The following DISP3 variants were observed in gnomAD, a reference collection of about 807,000 sequenced individuals.
DISP3 encodes protein dispatched homolog 3.
A neutral mutation model predicts 135.3 loss-of-function variants in DISP3; 101 were observed. That is an observed-to-expected ratio of 0.75 (90% CI 0.64 to 0.88). DISP3 has a LOEUF of 0.88. DISP3 is among the 40% of genes least tolerant of loss of function. DISP3 has a pLI of 0.00. For synonymous variants in DISP3, 856 were observed against 817.0 expected (o/e 1.05, Z -0.81); for missense variants, 1,713 against 1,878.6 (o/e 0.91, Z 1.63).
Position 11,499,810 on chromosome 1 carries a change from G to A in DISP3, c.-3-1180G>A, listed in dbSNP as rs1442639208. On this transcript the variant is annotated intron_variant, in intron 1 of 20. Coordinates refer to ENST00000294484, the MANE Select transcript of DISP3 (RefSeq NM_020780.2). The surrounding 1 kb of genome is among the most constrained non-coding windows in gnomAD (Gnocchi z 5.2). ...TCTTGCTTACTTTCTCTGGACTGAC[G>A]ACAGCCTCTCTTCCTGGACAGATCA... Among the ~76,000 whole-genome samples the A allele has an allele frequency of 2.6e-5, 4 of 152,046 alleles. No homozygotes were observed. Among genetic ancestry groups the A allele is most frequent in the Admixed American group, 6.5e-5 (1 of 15,272 alleles).
In DISP3 at chr1:11,519,952, A is replaced by C; in HGVS notation, c.2200+72A>C. On this transcript the variant is annotated intron_variant, in intron 9 of 20. Transcript: ENST00000294484. This position sits in a 1 kb window ranked among gnomAD's most constrained non-coding sequence, Gnocchi z 4.3. ...CAAAACACACAGGAACTGGGAGCCC[A>C]CCCCCTCTCGCAGATGCCCCAGGGT... 2 of 1,464,660 alleles carry C rather than the reference A, an allele frequency of 1.4e-6. No individual in the cohort carries two copies. The highest frequency in any genetic ancestry group is 1.3e-5 in the South Asian group (1 of 78,534). The allele number at this position is 1,464,660 out of a possible 1,614,324, so 90.7% of individuals were successfully genotyped here.
At chr1:11,534,758 C>G in intron 18 of DISP3, 1 of 776,212 alleles carries the variant, frequency 1.3e-6, no homozygotes, top group Non-Finnish European at 2.1e-6. Flanking sequence ...ACTTTGGCCA[C>G]CTAAAAAGTA....
chr1:11,520,546 T>TGGCATGCAGGGCC lies in DISP3; in HGVS notation c.2201-140_2201-128dup. On this transcript the variant is annotated intron_variant, in intron 9 of 20. Transcript: ENST00000294484. This position sits in a 1 kb window ranked among gnomAD's most constrained non-coding sequence, Gnocchi z 4.8. Reference sequence around the variant, plus strand: ...TCCCCAGCAAGCTTTGCCCACGGGCTGGCATGCAGGGCCTTCCCCCGCACC... The same window carrying TGGCATGCAGGGCC: ...TCCCCAGCAAGCTTTGCCCACGGGCTGGCATGCAGGGCCGGCATGCAGGGCCTTCCCCCGCACC... 1 of 865,522 alleles carries TGGCATGCAGGGCC rather than the reference T, an allele frequency of 1.2e-6. No individual in the cohort carries two copies. The highest frequency in any genetic ancestry group is 1.7e-6 in the Non-Finnish European group (1 of 574,414). The allele number at this position is 865,522 out of a possible 1,614,324, so 53.6% of individuals were successfully genotyped here.
Position 11,529,571 on chromosome 1 carries a change from C to T in DISP3, c.2814C>T (p.Ala938=), listed in dbSNP as rs765440113. 3.3e-5 allele frequency: 52 copies of T among 1,570,636 alleles called. No individual in the cohort carries two copies. Among genetic ancestry groups the T allele is most frequent in the Non-Finnish European group, 4.2e-5 (49 of 1,155,550 alleles). Residue 938 remains alanine, a synonymous_variant, in exon 14 of 21, where the codon GCC becomes GCT. Transcript: ENST00000294484. The surrounding 1 kb of genome is among the most constrained non-coding windows in gnomAD (Gnocchi z 4.7). ...EQQHTRKLYF[A]QSHKPPFHGR... ...CCCTCCACAGGAAGCTGTACTTCGC[C>T]CAGTCCCACAAGCCCCCCTTCCACG...
At chr1:11,489,541 G>T (rs1362812792) in intron 1 of DISP3, among the ~76,000 whole-genome samples, 1 of 152,170 alleles carries the variant, frequency 6.6e-6, no homozygotes, top group Non-Finnish European at 1.5e-5. Flanking sequence ...GCCCCCTCCA[G>T]TTATTCTGCA....
Position 11,534,498 on chromosome 1 carries a change from C to T in DISP3, c.3493C>T (p.Gln1165Ter). ...GGGCTCAGTCCTGCGCCGGGGCTTC[C>T]AGACCTGCGAGCACTGGAAGCAGAT... ...PEGSVLRRGF[Q>*]TCEHWKQIFM... The change falls in exon 18 of 21, where the codon CAG (glutamine) becomes TAG (stop). Residue 1165 changes from glutamine to a stop codon, truncating the protein, a stop_gained. Coordinates refer to ENST00000294484, the MANE Select transcript of DISP3 (RefSeq NM_020780.2). LOFTEE classifies it high-confidence loss of function. 1 of 1,613,724 alleles carries T rather than the reference C, an allele frequency of 6.2e-7. No individual in the cohort carries two copies. The highest frequency in any genetic ancestry group is 8.5e-7 in the Non-Finnish European group (1 of 1,179,794).
intron 1 of DISP3, among the ~76,000 whole-genome samples, chr1:11,486,991 T>C (rs1641054726): frequency 6.6e-6 from 1 of 152,166 alleles, no homozygotes. Flanking sequence ...ATTATGATGA[T>C]TTAACAGAAA....
At position 11,529,973 on chromosome 1, in the gene DISP3, G is replaced by A. The variant is rs192562485; in HGVS notation, c.3102+14G>A. 6,257 of 1,608,608 alleles carry A rather than the reference G, an allele frequency of 3.9e-3. 16 individuals carry two copies. The highest frequency in any genetic ancestry group is 0.011 in the African/African-American group (850 of 74,996). The stretch of plus-strand genomic sequence containing the variant: ...ATTGGAGACCCGGTACGGGGCATGC[G>A]TCGGGCAGATGCCGAGGGCCCCAGC... On this transcript the variant is annotated intron_variant, in intron 15 of 20. Transcript: ENST00000294484. The surrounding 1 kb of genome is among the most constrained non-coding windows in gnomAD (Gnocchi z 4.7).
rs753771741 is a variant in DISP3, at chr1:11,535,057, C to T, written c.3582C>T (p.Cys1194=). ...GCCTGGTGCTATCCCTGCTCATCTG[C>T]GTGGCCGCGGTGGCCGTGTTCACCA... ...LCGLVLSLLI[C]VAAVAVFTTH... is the part of the protein sequence containing the mutation. The change falls in exon 19 of 21, where the codon TGC becomes TGT. Residue 1194 remains cysteine, a synonymous_variant. Coordinates refer to ENST00000294484, the MANE Select transcript of DISP3 (RefSeq NM_020780.2). The T allele has an allele frequency of 1.6e-5, 26 of 1,606,412 alleles. No individual in the cohort carries two copies. Among genetic ancestry groups the T allele is most frequent in the African/African-American group, 1.2e-4 (9 of 75,004 alleles).
At chr1:11,535,979 C>A (rs1473340711) in intron 20 of DISP3, among the ~76,000 whole-genome samples, 1 of 152,188 alleles carries the variant, frequency 6.6e-6, no homozygotes, top group Non-Finnish European at 1.5e-5. Context: ...CTGCTCCAGC[C>A]CCTGGTGGCT....
In DISP3 at chr1:11,514,420, C is replaced by T. The variant is rs1215042780; in HGVS notation, c.1347C>T (p.Asp449=). 46 of 1,613,302 alleles carry T rather than the reference C, an allele frequency of 2.9e-5. No homozygotes were observed. The highest frequency in any genetic ancestry group is 3.9e-5 in the Non-Finnish European group (46 of 1,179,290). Residue 449 remains aspartate (D), a synonymous_variant, in exon 4 of 21, where the codon GAC becomes GAT. Transcript: ENST00000294484. ...SKVQVLYGGT[D]LFDYEVRRTF... ...TCCAGGTTCTCTATGGGGGGACAGA[C>T]CTGTTTGACTATGAAGTGCGCAGGA...
In DISP3 at chr1:11,501,349, C is replaced by T; in HGVS notation, c.357C>T (p.Phe119=). The part of the protein sequence containing the change: ...EIRNHEASQR[F]DALTLALKSQ... ...GCAACCACGAGGCCTCACAGCGTTT[C>T]GACGCTCTCACTCTGGCGCTTAAGT... The change falls in exon 2 of 21, where the codon TTC becomes TTT. Residue 119 remains phenylalanine (F), a synonymous_variant. Coordinates refer to ENST00000294484, the MANE Select transcript of DISP3 (RefSeq NM_020780.2). The surrounding 1 kb of genome is among the most constrained non-coding windows in gnomAD (Gnocchi z 4.9). 1 of 1,613,268 alleles carries T rather than the reference C, an allele frequency of 6.2e-7. No homozygotes were observed. Among genetic ancestry groups the T allele is most frequent in the South Asian group, 1.1e-5 (1 of 90,980 alleles).
intron 3 of DISP3, among the ~76,000 whole-genome samples, chr1:11,509,526 A>G (rs548304454): frequency 1.3e-5 from 2 of 152,084 alleles, no homozygotes; most frequent in Admixed American, 6.5e-5. Context: ...GGCATTGTCT[A>G]TTTCTTTTTT....
rs748054963 is a variant in DISP3 at position 11,501,500 on chromosome 1, C to T, written c.508C>T (p.Arg170Ter). ...CGGCAACCGCTCGCGGCAAGCCTCC[C>T]GAGCCCCCCGCGTCATCCCCGCGGC... ...HLGNRSRQAS[R>*]APRVIPAASL... is the part of the protein sequence containing the mutation. Residue 170 changes from arginine to a stop codon, truncating the protein, a stop_gained, in exon 2 of 21, where the codon CGA becomes TGA. Transcript: ENST00000294484. LOFTEE classifies it high-confidence loss of function. This position sits in a 1 kb window ranked among gnomAD's most constrained non-coding sequence, Gnocchi z 4.9. 6 of 1,606,538 alleles carry T rather than the reference C, an allele frequency of 3.7e-6. No homozygotes were observed. The highest frequency in any genetic ancestry group is 8.5e-7 in the Non-Finnish European group (1 of 1,176,474).
Position 11,519,220 on chromosome 1 carries a change from T to C in DISP3, c.1890-135T>C. The C allele has an allele frequency of 2.7e-6, 3 of 1,093,344 alleles. No homozygotes were observed. The highest frequency in any genetic ancestry group is 3.9e-6 in the Non-Finnish European group (3 of 762,674). The allele number at this position is 1,093,344 out of a possible 1,614,324, so 67.7% of individuals were successfully genotyped here. On this transcript the variant is annotated intron_variant, in intron 7 of 20. Coordinates refer to ENST00000294484, the MANE Select transcript of DISP3 (RefSeq NM_020780.2). This position sits in a 1 kb window ranked among gnomAD's most constrained non-coding sequence, Gnocchi z 4.3. ...AAACCAGGTGACCAGCTCCCAGAAG[T>C]CTGGGGTGCTCATCCTGTGTGTGAC...
chr1:11,529,840 G>A lies in DISP3; in HGVS notation c.2983G>A (p.Gly995Ser). 12 of 1,614,006 alleles carry A rather than the reference G, an allele frequency of 7.4e-6. No individual in the cohort carries two copies. Among genetic ancestry groups the A allele is most frequent in the Non-Finnish European group, 1.0e-5 (12 of 1,180,032 alleles). The change falls in exon 15 of 21, where the codon GGC becomes AGC. Residue 995 changes from glycine to serine, a missense_variant. Gly to Ser is a moderately conservative substitution (Grantham distance 56). Transcript: ENST00000294484. The surrounding 1 kb of genome is among the most constrained non-coding windows in gnomAD (Gnocchi z 4.7). Reference protein sequence around the residue: ...TFGFNPCVNTGCGKPAVRPLV... With the variant: ...TFGFNPCVNTSCGKPAVRPLV... ...CGGCTTCAACCCCTGCGTGAACACGGGCTGCGGGAAGCCGGCGGTGCGGCC... is the reference window on the plus strand; with the variant it reads ...CGGCTTCAACCCCTGCGTGAACACGAGCTGCGGGAAGCCGGCGGTGCGGCC...
At chr1:11,532,566 G>A (rs189759240) in intron 17 of DISP3, among the ~76,000 whole-genome samples, 45 of 152,288 alleles carry the variant, frequency 3.0e-4, no homozygotes, top group Non-Finnish European at 4.6e-4. Flanking sequence ...AACCAGGAGG[G>A]CCTCAGAGCC....
In DISP3 at chr1:11,495,135, G is replaced by A. The variant is rs1025305468; in HGVS notation, c.-3-5855G>A. ...CAACTGGGTGTGGCGGCTCACACCT[G>A]TAATCTCAACACTTTGGGAGGCCAA... On this transcript the variant is annotated intron_variant, in intron 1 of 20. Coordinates refer to ENST00000294484, the MANE Select transcript of DISP3 (RefSeq NM_020780.2). Among the ~76,000 whole-genome samples the A allele has an allele frequency of 1.1e-4, 17 of 152,316 alleles. 1 individual carries two copies. Among genetic ancestry groups the A allele is most frequent in the African/African-American group, 4.1e-4 (17 of 41,580 alleles).
intron 7 of DISP3, 58 bp downstream of exon 7, chr1:11,517,660 C>T: frequency 6.3e-7 from 1 of 1,587,936 alleles, no homozygotes; most frequent in Non-Finnish European, 8.6e-7. Context: ...CTCTATGAGC[C>T]ACTCAGTGCA....
Sources: allele counts gnomAD v4.1 joint callset (sites outside exome capture counted in the v4.1 genomes callset), GRCh38; gene constraint gnomAD v4.1.1; non-coding constraint Gnocchi (gnomAD v3.1); transcripts MANE v1.5; gene names NCBI Gene and HGNC (gene_info 2026-07-23, HGNC 2026-07-21).